The following DENND1B variants were observed in gnomAD, a reference collection of about 807,000 sequenced individuals.
The protein encoded by DENND1B is DENN domain containing 1B, also known as DENN domain-containing protein 1B.
A neutral mutation model predicts 90.1 loss-of-function variants in DENND1B; 59 were observed. The ratio of observed to expected loss-of-function variants is 0.65; its 90% CI spans 0.53 to 0.81. The LOEUF is 0.81. DENND1B is among the 40% of genes least tolerant of loss of function. The pLI is 0.00. For synonymous variants in DENND1B, 337 were observed against 324.6 expected (o/e 1.04, Z -0.41); for missense variants, 862 against 912.6 (o/e 0.94, Z 0.71).
intron 10 of DENND1B, among the ~76,000 whole-genome samples, chr1:197,626,725 T>A (rs143851269): frequency 6.6e-6 from 1 of 151,714 alleles, no homozygotes; most frequent in African/African-American, 2.4e-5. Flanking sequence ...CTTCAAAAAA[T>A]TAATGAATCC....
chr1:197,507,149 CATTATTATTATTATTATTATTATT>C lies in DENND1B; in HGVS notation c.*3287_*3310del, dbSNP rs67506479. The C allele has an allele frequency of 7.7e-5, 11 of 142,822 alleles. No homozygotes were observed. The East Asian group carries it at 8.1e-4, about 11-fold the overall frequency. The allele number at this position is 142,822 out of a possible 1,614,324, so 8.8% of individuals were successfully genotyped here. A position where few individuals can be genotyped will look rare whatever the true frequency, so the allele number is the denominator to read the frequency against. On this transcript the variant is annotated 3_prime_UTR_variant, in exon 23 of 23. Transcript: ENST00000620048. ...CAGCTAATAACTTCCAGGCAAAACA[CATTATTATTATTATTATTATTATT>C]ATTATTATTATTATTATTATTTTAA...
rs1667892527 is a variant in DENND1B, at chr1:197,509,653, G to A, written c.*807C>T. On this transcript the variant is annotated 3_prime_UTR_variant, in exon 23 of 23. Transcript: ENST00000620048. ...TTTTTTTTTTTTTTTTGTCAGGACG[G>A]TTTATGTTGTATTTGGCTTTCTTGG... is the stretch of plus-strand genomic sequence containing the variant. 6.9e-6 allele frequency: 1 copy of A among 145,610 alleles called. No homozygotes were observed. The highest frequency in any genetic ancestry group is 2.1e-4 in the South Asian group (1 of 4,686). 9.0% of individuals were successfully genotyped at this position (145,610 alleles called of 1,614,324 possible).
intron 13 of DENND1B, among the ~76,000 whole-genome samples, chr1:197,604,188 AAT>A (rs4026516): frequency 0.76 from 114,854 of 150,346 alleles, 44,320 homozygotes; most frequent in East Asian, 0.87. Context: ...CTCCCAATAA[AAT>A]ATGTTTTTTT....
intron 3 of DENND1B, among the ~76,000 whole-genome samples, chr1:197,713,786 TATA>T (rs1172664144): frequency 1.9e-4 from 3 of 16,216 alleles, no homozygotes; most frequent in African/African-American, 4.4e-4. Flanking sequence ...TATATTATAT[TATA>T]ATATTATTAT....
upstream of DENND1B, among the ~76,000 whole-genome samples, chr1:197,776,706 A>T (rs1303665239): frequency 6.6e-6 from 1 of 152,218 alleles, no homozygotes; most frequent in Non-Finnish European, 1.5e-5. Context: ...CAGTTATATA[A>T]CCTTAAACTT....
intron 18 of DENND1B, among the ~76,000 whole-genome samples, chr1:197,543,230 G>A (rs539138687): frequency 6.6e-6 from 1 of 152,148 alleles, no homozygotes; most frequent in African/African-American, 2.4e-5. Flanking sequence ...CACAGCACCC[G>A]GCCCAAAGAA....
At chr1:197,565,743 G>A (rs1382507682) in intron 15 of DENND1B, among the ~76,000 whole-genome samples, 1 of 149,716 alleles carries the variant, frequency 6.7e-6, no homozygotes, top group African/African-American at 2.5e-5. Context: ...TGCAGTGTTT[G>A]GTTTTTTGTT....
At chr1:197,663,212 C>T (rs1215858783) in intron 5 of DENND1B, among the ~76,000 whole-genome samples, 1 of 152,096 alleles carries the variant, frequency 6.6e-6, no homozygotes, top group Non-Finnish European at 1.5e-5. Context: ...CAAATTTCAA[C>T]TACAGCACTC....
At chr1:197,562,524 T>C (rs1672257849) in intron 15 of DENND1B, among the ~76,000 whole-genome samples, 1 of 151,916 alleles carries the variant, frequency 6.6e-6, no homozygotes, top group African/African-American at 2.4e-5. Flanking sequence ...TGATCTTTGA[T>C]GTAACTATCA....
chr1:197,594,218 C>A (rs1324128777), intron 14 of DENND1B, among the ~76,000 whole-genome samples: 1 of 152,088 alleles, frequency 6.6e-6, no homozygotes, highest in East Asian at 1.9e-4. Flanking sequence ...AATTAGATGA[C>A]CTTTTAGAGC....
At chr1:197,726,397 T>C (rs916036546) in intron 2 of DENND1B, among the ~76,000 whole-genome samples, 1 of 152,162 alleles carries the variant, frequency 6.6e-6, no homozygotes, top group Non-Finnish European at 1.5e-5. Flanking sequence ...ACATTAAAAC[T>C]GCAAAGACCT....
chr1:197,630,890 C>T (rs1312799075), intron 10 of DENND1B, among the ~76,000 whole-genome samples: 1 of 152,102 alleles, frequency 6.6e-6, no homozygotes, highest in Non-Finnish European at 1.5e-5. Flanking sequence ...AAGGAACTTA[C>T]ATTCTAGTTA....
At chr1:197,556,742 C>T (rs1181173718) in intron 15 of DENND1B, among the ~76,000 whole-genome samples, 2 of 151,810 alleles carry the variant, frequency 1.3e-5, no homozygotes, top group Non-Finnish European at 2.9e-5. Flanking sequence ...ATACCTTATG[C>T]GGTATTGCAA....
upstream of DENND1B, among the ~76,000 whole-genome samples, chr1:197,778,871 T>C (rs922453308): frequency 6.6e-6 from 1 of 152,196 alleles, no homozygotes; most frequent in African/African-American, 2.4e-5. Context: ...TCTGTTTCTA[T>C]TCATTTAGGA....
chr1:197,751,695 T>C (rs1653536128), intron 2 of DENND1B, among the ~76,000 whole-genome samples: 1 of 151,822 alleles, frequency 6.6e-6, no homozygotes, highest in Non-Finnish European at 1.5e-5. Context: ...AATACAAAAA[T>C]TAGCAGGGCG....
Position 197,595,138 on chromosome 1 carries a change from C to T in DENND1B, c.1047+70G>A, listed in dbSNP as rs1469629412. The T allele has an allele frequency of 2.0e-6, 3 of 1,514,032 alleles. No individual in the cohort carries two copies. In the African/African-American group the frequency reaches 4.3e-5, roughly 22 times the overall value. The allele number at this position is 1,514,032 out of a possible 1,614,324, so 93.8% of individuals were successfully genotyped here. On this transcript the variant is annotated intron_variant, in intron 14 of 22. Coordinates refer to ENST00000620048, the MANE Select transcript of DENND1B (RefSeq NM_001195215.2). ...AAGGTGTAATATTAAAATGATGTCT[C>T]TTTTTTTCTGTCTCATTCCAAAGAA...
intron 13 of DENND1B, 192 bp downstream of exon 13, chr1:197,606,881 G>C: frequency 1.8e-6 from 1 of 541,080 alleles, no homozygotes; most frequent in South Asian, 2.5e-5. Context: ...TAAGGAATAT[G>C]ATGTTCCATT....
At chr1:197,693,961 G>C (rs1050354425) in intron 3 of DENND1B, among the ~76,000 whole-genome samples, 3 of 151,484 alleles carry the variant, frequency 2.0e-5, no homozygotes, top group South Asian at 2.1e-4. Context: ...TTTTCAGCTA[G>C]TACACAATAA....
At chr1:197,596,352 G>A in intron 13 of DENND1B, among the ~76,000 whole-genome samples, 1 of 151,834 alleles carries the variant, frequency 6.6e-6, no homozygotes, top group Non-Finnish European at 1.5e-5. Flanking sequence ...CCAATTCACT[G>A]TACCAATTCC....
Sources: allele counts gnomAD v4.1 joint callset (sites outside exome capture counted in the v4.1 genomes callset), GRCh38; gene constraint gnomAD v4.1.1; transcripts MANE v1.5; gene names NCBI Gene and HGNC (gene_info 2026-07-23, HGNC 2026-07-21).